RHOBTB1: variants seen among roughly 807,000 people sequenced by gnomAD.
RHOBTB1 encodes the protein Rho related BTB domain containing 1.
A neutral mutation model predicts 71.6 loss-of-function variants in RHOBTB1; 40 were observed. That is an observed-to-expected ratio of 0.56 (90% CI 0.43 to 0.73). The LOEUF is 0.73. Among genes scored for constraint, RHOBTB1 ranks in the 30% least tolerant of loss-of-function variants. RHOBTB1 has a pLI of 0.00. For missense variants in RHOBTB1, 797 were observed against 894.0 expected, an observed-to-expected ratio of 0.89 and a Z score of 1.38; for synonymous variants, 319 against 334.9, an observed-to-expected ratio of 0.95 and a Z score of 0.52.
chr10:60,997,162 C>T (rs1306551836), intron 1 of RHOBTB1, among the ~76,000 whole-genome samples: 1 of 152,018 alleles, frequency 6.6e-6, no homozygotes, highest in Non-Finnish European at 1.5e-5. Context: ...TTAATCATCT[C>T]TGCTATTAGC....
Position 60,892,870 on chromosome 10 carries a change from T to C in RHOBTB1, c.422A>G (p.Gln141Arg). The C allele has an allele frequency of 6.2e-7, 1 of 1,614,100 alleles. No individual in the cohort carries two copies. The highest frequency in any genetic ancestry group is 8.5e-7 in the Non-Finnish European group (1 of 1,179,996). ...PRTPVILVGCQLDLRYADLEA... is the reference protein window; with the variant it reads ...PRTPVILVGCRLDLRYADLEA... ...CAGGTCGGCATAGCGGAGATCAAGC[T>C]GGCACCCAACAAGGATAACGGGTGT... Residue 141 changes from glutamine (Q) to arginine (R), a missense_variant, in exon 5 of 11, where the codon CAG becomes CGG. This residue lies in a region of RHOBTB1 where 139 missense variants were observed against 212.5 expected (regional missense o/e 0.65). Coordinates refer to ENST00000337910, the MANE Select transcript of RHOBTB1 (RefSeq NM_014836.5).
chr10:60,952,852 A>G (rs1030453660), intron 2 of RHOBTB1, among the ~76,000 whole-genome samples: 1 of 152,160 alleles, frequency 6.6e-6, no homozygotes, highest in African/African-American at 2.4e-5. Context: ...CAACTTCAGG[A>G]TTCTCGGGGT....
intron 2 of RHOBTB1, among the ~76,000 whole-genome samples, chr10:60,950,483 C>T (rs556270825): frequency 1.3e-4 from 20 of 152,106 alleles, no homozygotes; most frequent in Admixed American, 4.6e-4. Flanking sequence ...AAACCAAAAA[C>T]GAAACAAAGA....
intron 2 of RHOBTB1, among the ~76,000 whole-genome samples, chr10:60,932,705 A>G (rs912705595): frequency 6.6e-6 from 1 of 152,136 alleles, no homozygotes; most frequent in Admixed American, 6.6e-5. Context: ...ATTAAAAAAG[A>G]TTTAAAAATT....
At chr10:60,916,767 G>C (rs745905344) in intron 2 of RHOBTB1, among the ~76,000 whole-genome samples, 3 of 152,230 alleles carry the variant, frequency 2.0e-5, no homozygotes, top group Non-Finnish European at 4.4e-5. Flanking sequence ...TGTGGCATGA[G>C]GGAATAGGGT....
At chr10:60,988,591 A>G (rs1158748497) in intron 1 of RHOBTB1, among the ~76,000 whole-genome samples, 1 of 152,158 alleles carries the variant, frequency 6.6e-6, no homozygotes, top group Non-Finnish European at 1.5e-5. Flanking sequence ...TTCCCTTAGG[A>G]TGATGGCCTC....
intron 2 of RHOBTB1, among the ~76,000 whole-genome samples, chr10:60,965,462 T>G (rs574171444): frequency 2.0e-5 from 3 of 152,068 alleles, no homozygotes; most frequent in Non-Finnish European, 4.4e-5. Flanking sequence ...GTGTTTGTAT[T>G]GTTGGTATCA....
intron 4 of RHOBTB1, among the ~76,000 whole-genome samples, chr10:60,900,925 T>G (rs1260465149): frequency 6.6e-6 from 1 of 152,224 alleles, no homozygotes; most frequent in Non-Finnish European, 1.5e-5. Flanking sequence ...TGTAATTGGA[T>G]AATTTCATAA....
intron 2 of RHOBTB1, among the ~76,000 whole-genome samples, chr10:60,979,192 G>A (rs2134775879): frequency 6.6e-6 from 1 of 152,240 alleles, no homozygotes; most frequent in South Asian, 2.1e-4. Flanking sequence ...TTAATTGCTT[G>A]TGGAGCTTGT....
rs566111454 is a variant in RHOBTB1 at position 60,951,143 on chromosome 10, T to C, written c.-61-9289A>G. ...GTCATTTAATCTAACCCTGATCTTC[T>C]GACTATGTGGATGCAAAGCTTTTGA... is the stretch of plus-strand genomic sequence containing the variant. On this transcript the variant is annotated intron_variant, in intron 2 of 11. Coordinates refer to the RHOBTB1 transcript ENST00000357917. Among the ~76,000 whole-genome samples the C allele has an allele frequency of 6.6e-5, 10 of 152,350 alleles. No individual in the cohort carries two copies. In the South Asian group the frequency reaches 1.9e-3, roughly 28 times the overall value.
chr10:60,976,657 C>T (rs1282783029), intron 2 of RHOBTB1, among the ~76,000 whole-genome samples: 2 of 151,956 alleles, frequency 1.3e-5, no homozygotes, highest in Non-Finnish European at 2.9e-5. Context: ...GGAAATCACA[C>T]ATTTAAAAAT....
downstream of RHOBTB1, among the ~76,000 whole-genome samples, chr10:60,866,312 A>G (rs1176777696): frequency 6.6e-6 from 1 of 152,212 alleles, no homozygotes; most frequent in East Asian, 1.9e-4. Flanking sequence ...CACATTGTAA[A>G]ATGGCTGGAT....
At chr10:60,861,782 G>A in the RHOBTB1 span, among the ~76,000 whole-genome samples, 10 of 152,088 alleles carry the variant, frequency 6.6e-5, no homozygotes, top group East Asian at 1.9e-4. Context: ...GTGAAAGAAC[G>A]TAAAAAGATA....
At position 60,944,182 on chromosome 10, in the gene RHOBTB1, C is replaced by A. The variant is rs1282240954; in HGVS notation, c.-273G>T. ...CGCCCGGCGCCGTGGCCGCTCTTCC[C>A]AGTCCCGGGCGAGAGGGGCTCGCCC... On this transcript the variant is annotated 5_prime_UTR_variant, in exon 1 of 11. Transcript: ENST00000337910. The A allele has an allele frequency of 6.6e-6, 1 of 152,040 alleles. No individual in the cohort carries two copies. The allele number at this position is 152,040 out of a possible 1,614,324, so 9.4% of individuals were successfully genotyped here. A position where few individuals can be genotyped will look rare whatever the true frequency, so the allele number is the denominator to read the frequency against.
At chr10:60,978,187 TGAGG>T (rs2086377822) in intron 2 of RHOBTB1, among the ~76,000 whole-genome samples, 1 of 152,286 alleles carries the variant, frequency 6.6e-6, no homozygotes, top group East Asian at 1.9e-4. Flanking sequence ...AAAACTGAGC[TGAGG>T]CTTTTTATTT....
intron 2 of RHOBTB1, among the ~76,000 whole-genome samples, chr10:60,915,552 T>C (rs1012125225): frequency 4.6e-5 from 7 of 152,182 alleles, no homozygotes; most frequent in South Asian, 2.1e-4. Context: ...TTTTCACCAG[T>C]ACCCGATGAA....
chr10:60,934,598 G>A (rs889164820), intron 2 of RHOBTB1, among the ~76,000 whole-genome samples: 1 of 152,138 alleles, frequency 6.6e-6, no homozygotes, highest in African/African-American at 2.4e-5. Flanking sequence ...CTGATATAAC[G>A]GTTCATTGTT....
At chr10:60,982,272 C>A (rs558454802) in intron 2 of RHOBTB1, among the ~76,000 whole-genome samples, 1 of 152,180 alleles carries the variant, frequency 6.6e-6, no homozygotes, top group Non-Finnish European at 1.5e-5. Flanking sequence ...GGTAACTTAG[C>A]AGATAGGCCT....
intron 1 of RHOBTB1, among the ~76,000 whole-genome samples, chr10:60,987,965 G>T (rs183953943): frequency 0.015 from 1,642 of 109,006 alleles, 46 homozygotes; most frequent in Admixed American, 0.11. Context: ...ACCGAGTCTC[G>T]CTCTGTCCCC....
Sources: allele counts gnomAD v4.1 joint callset (sites outside exome capture counted in the v4.1 genomes callset), GRCh38; gene constraint gnomAD v4.1.1; regional missense constraint gnomAD v4.1.1; transcripts MANE v1.5; gene names NCBI Gene and HGNC (gene_info 2026-07-23, HGNC 2026-07-21).